Variants in MRAS observed in about 807,000 individuals in gnomAD.
MRAS encodes muscle RAS oncogene homolog.
In MRAS, 4 loss-of-function variants were observed where a neutral mutation model predicts 20.9. The ratio of observed to expected loss-of-function variants is 0.19; its 90% CI spans 0.09 to 0.44. The LOEUF (loss-of-function observed/expected upper bound fraction) is 0.44, where lower values mean the gene tolerates loss of function less well. Among genes scored for constraint, MRAS ranks in the 20% least tolerant of loss-of-function variants. The probability of loss-of-function intolerance (pLI) is 0.99; values close to 1 mark genes in which losing one functional copy is unlikely to be tolerated. For missense variants in MRAS, 154 were observed against 277.5 expected, an observed-to-expected ratio of 0.56 and a Z score of 3.16; for synonymous variants, 98 against 102.9, an observed-to-expected ratio of 0.95 and a Z score of 0.29.
intron 1 of MRAS, among the ~76,000 whole-genome samples, chr3:138,351,394 A>G (rs1203926068): frequency 2.0e-5 from 3 of 152,216 alleles, no homozygotes; most frequent in Admixed American, 6.5e-5. Context: ...CTGGGCAGGC[A>G]TAGAAGGTAC....
intron 2 of MRAS, among the ~76,000 whole-genome samples, chr3:138,396,630 G>A (rs2055241736): frequency 6.6e-6 from 1 of 152,222 alleles, no homozygotes; most frequent in Non-Finnish European, 1.5e-5. Context: ...GGAGGAAGGT[G>A]GCAGTGAGGG....
At chr3:138,400,508 T>C in intron 4 of MRAS, 26 bp from the exon 5 acceptor site, 1 of 1,587,412 alleles carries the variant, frequency 6.3e-7, no homozygotes, top group East Asian at 2.2e-5. Flanking sequence ...TGTGCCACTT[T>C]GATCAAGTTG....
At chr3:138,362,297 C>G (rs1278342105) in intron 1 of MRAS, among the ~76,000 whole-genome samples, 1 of 152,176 alleles carries the variant, frequency 6.6e-6, no homozygotes. Context: ...CTTGCCAGGC[C>G]TGGGTGCTGA....
intron 1 of MRAS, chr3:138,350,463 G>A (rs2054204026): frequency 6.6e-6 from 1 of 152,146 alleles, no homozygotes; most frequent in African/African-American, 2.4e-5. Context: ...GGGGAGGGAG[G>A]TGTTGGGCAA....
intron 2 of MRAS, among the ~76,000 whole-genome samples, chr3:138,390,398 C>T (rs2055107618): frequency 6.6e-6 from 1 of 152,174 alleles, no homozygotes; most frequent in Non-Finnish European, 1.5e-5. Context: ...CCTCCTCCCC[C>T]AGTCTGGCTG....
chr3:138,384,966 G>C (rs1008335834), intron 2 of MRAS, among the ~76,000 whole-genome samples: 6 of 152,104 alleles, frequency 3.9e-5, no homozygotes, highest in Non-Finnish European at 5.9e-5. Flanking sequence ...GGAGGTCATT[G>C]GTGACTTGAC....
intron 1 of MRAS, among the ~76,000 whole-genome samples, chr3:138,369,274 G>A (rs1321691322): frequency 6.6e-6 from 1 of 152,220 alleles, no homozygotes; most frequent in Non-Finnish European, 1.5e-5. Flanking sequence ...TTTGTGCACA[G>A]TAAACACTTA....
chr3:138,361,914 G>T (rs2054456595), intron 1 of MRAS, among the ~76,000 whole-genome samples: 1 of 152,168 alleles, frequency 6.6e-6, no homozygotes, highest in Non-Finnish European at 1.5e-5. Context: ...AACAAGGATT[G>T]AAAAATAAAA....
intron 1 of MRAS, among the ~76,000 whole-genome samples, chr3:138,363,556 G>T (rs751361907): frequency 3.9e-5 from 6 of 152,086 alleles, no homozygotes; most frequent in Admixed American, 6.5e-5. Flanking sequence ...AGCCCCACAG[G>T]CTGGGGCTGG....
intron 2 of MRAS, among the ~76,000 whole-genome samples, chr3:138,392,469 T>C (rs2055152813): frequency 6.6e-6 from 1 of 152,276 alleles, no homozygotes; most frequent in South Asian, 2.1e-4. Flanking sequence ...TCATAATGAT[T>C]ATGGAATTTG....
intron 2 of MRAS, among the ~76,000 whole-genome samples, chr3:138,395,048 A>C (rs926071972): frequency 1.3e-5 from 2 of 148,228 alleles, no homozygotes; most frequent in African/African-American, 5.0e-5. Flanking sequence ...TTTATTTTTT[A>C]TTTTTTTTTC....
intron 1 of MRAS, among the ~76,000 whole-genome samples, chr3:138,361,320 G>T (rs1394006403): frequency 1.3e-5 from 2 of 152,172 alleles, no homozygotes; most frequent in Non-Finnish European, 2.9e-5. Flanking sequence ...AGCGGGGAGA[G>T]CTTCATGGAT....
At chr3:138,385,922 C>G (rs2055002877) in intron 2 of MRAS, among the ~76,000 whole-genome samples, 1 of 152,152 alleles carries the variant, frequency 6.6e-6, no homozygotes, top group Non-Finnish European at 1.5e-5. Context: ...TAGCAGTGTC[C>G]TCGAACAGGT....
intron 1 of MRAS, among the ~76,000 whole-genome samples, chr3:138,365,301 C>T (rs1235667222): frequency 6.6e-6 from 1 of 152,212 alleles, no homozygotes; most frequent in African/African-American, 2.4e-5. Flanking sequence ...TGCATACCTA[C>T]TCTGAGACTC....
chr3:138,396,181 A>G (rs982479305), intron 2 of MRAS, among the ~76,000 whole-genome samples: 1 of 152,202 alleles, frequency 6.6e-6, no homozygotes, highest in African/African-American at 2.4e-5. Context: ...TGAGGATGGC[A>G]AGCTCACAGC....
At chr3:138,352,776 G>A (rs564063978) in intron 1 of MRAS, among the ~76,000 whole-genome samples, 8 of 152,086 alleles carry the variant, frequency 5.3e-5, no homozygotes, top group Admixed American at 3.9e-4. Context: ...TGTGCAGCTT[G>A]TAGTGGCCAA....
At position 138,368,396 on chromosome 3, in the gene MRAS, TCA is replaced by T. The variant is rs764337970; in HGVS notation, c.-18-4465_-18-4464del. ...GCATCTTCTCAGAGCTCAGCATATC[TCA>T]CACATTTTATTTCATGCTTAGAGCA... On this transcript the variant is annotated intron_variant, in intron 1 of 5. Coordinates refer to ENST00000423968, the MANE Select transcript of MRAS (RefSeq NM_001085049.3). Among the ~76,000 whole-genome samples the T allele has an allele frequency of 6.6e-5, 10 of 152,304 alleles. No individual in the cohort carries two copies. In the East Asian group the frequency reaches 1.7e-3, roughly 26 times the overall value.
At chr3:138,399,756 G>C (rs1283087827) in intron 4 of MRAS, among the ~76,000 whole-genome samples, 1 of 152,246 alleles carries the variant, frequency 6.6e-6, no homozygotes, top group African/African-American at 2.4e-5. Flanking sequence ...TTTGGGGAAT[G>C]AACACTTCCT....
intron 1 of MRAS, among the ~76,000 whole-genome samples, chr3:138,356,301 T>G (rs2054332958): frequency 6.6e-6 from 1 of 152,164 alleles, no homozygotes. Context: ...GTGTAGTGGA[T>G]TCAGGAGACT....
Sources: allele counts gnomAD v4.1 joint callset (sites outside exome capture counted in the v4.1 genomes callset), GRCh38; gene constraint gnomAD v4.1.1; transcripts MANE v1.5; gene names NCBI Gene and HGNC (gene_info 2026-07-23, HGNC 2026-07-21).